The following KCNIP3 variants were observed in gnomAD, a reference collection of about 807,000 sequenced individuals.
KCNIP3 encodes calsenilin.
KCNIP3 carries 28 observed loss-of-function variants against 35.0 expected under a neutral mutation model. The ratio of observed to expected loss-of-function variants is 0.80; its 90% CI spans 0.59 to 1.10. KCNIP3 has a LOEUF of 1.10. Among genes scored for constraint, KCNIP3 ranks in the 50% least tolerant of loss-of-function variants. KCNIP3 has a pLI of 0.00. For synonymous variants in KCNIP3, 134 were observed against 133.8 expected (o/e 1.00, Z -0.01); for missense variants, 295 against 338.4 (o/e 0.87, Z 1.01).
chr2:95,344,631 G>A (rs1173072786), intron 2 of KCNIP3, among the ~76,000 whole-genome samples: 2 of 152,204 alleles, frequency 1.3e-5, no homozygotes, highest in Non-Finnish European at 2.9e-5. Context: ...AGGGTTGGAG[G>A]CCAGCCTCAG....
intron 2 of KCNIP3, among the ~76,000 whole-genome samples, chr2:95,347,757 C>T (rs953274376): frequency 4.6e-5 from 7 of 152,232 alleles, no homozygotes; most frequent in Non-Finnish European, 1.0e-4. Flanking sequence ...AGGGATGTAG[C>T]TTTTCCCCTG....
intron 2 of KCNIP3, among the ~76,000 whole-genome samples, chr2:95,349,092 C>CT (rs1429102639): frequency 1.3e-5 from 2 of 152,112 alleles, no homozygotes; most frequent in Admixed American, 6.5e-5. Context: ...CAGACACCCC[C>CT]CCCCGCCCCC....
chr2:95,383,977 G>A, intron 8 of KCNIP3, 25 bp from the exon 9 acceptor site: 1 of 1,612,916 alleles, frequency 6.2e-7, no homozygotes. Flanking sequence ...AGCACCTGAA[G>A]GCCTCCCTTC....
chr2:95,341,087 A>C (rs1227834020), intron 2 of KCNIP3, among the ~76,000 whole-genome samples: 1 of 152,138 alleles, frequency 6.6e-6, no homozygotes, highest in Non-Finnish European at 1.5e-5. Flanking sequence ...TCTCAAGTCG[A>C]ACTGTAATCC....
intron 4 of KCNIP3, 41 bp downstream of exon 4, chr2:95,374,958 G>A: frequency 6.2e-7 from 1 of 1,602,444 alleles, no homozygotes; most frequent in African/African-American, 1.3e-5. Context: ...TCCCAGTGTG[G>A]AGGGAGGGGA....
intron 2 of KCNIP3, among the ~76,000 whole-genome samples, chr2:95,320,437 G>A (rs1344124394): frequency 6.6e-6 from 1 of 152,072 alleles, no homozygotes. Flanking sequence ...GGTGGGGTGT[G>A]GGCGGGTCCC....
chr2:95,365,665 TAGC>T (rs1679899992), intron 2 of KCNIP3, among the ~76,000 whole-genome samples: 1 of 152,024 alleles, frequency 6.6e-6, no homozygotes, highest in Non-Finnish European at 1.5e-5. Context: ...ATGGAAGAAA[TAGC>T]AGCAGGTTTG....
At chr2:95,338,453 G>A (rs1370028201) in intron 2 of KCNIP3, among the ~76,000 whole-genome samples, 1 of 152,134 alleles carries the variant, frequency 6.6e-6, no homozygotes. Flanking sequence ...TCCCAGAAAT[G>A]AGGAGGGAGA....
chr2:95,378,161 T>G lies in KCNIP3; in HGVS notation c.447+2953T>G, dbSNP rs1421246896. On this transcript the variant is annotated intron_variant, in intron 5 of 8. Coordinates refer to ENST00000295225, the MANE Select transcript of KCNIP3 (RefSeq NM_013434.5). This position sits in a 1 kb window ranked among gnomAD's most constrained non-coding sequence, Gnocchi z 4.0. Reference sequence around the variant, plus strand: ...ATTTTTATTTTTTTTGTTTTATTTTTAGACAGGCTGGAGTGCAGTGGCACC... The same window carrying G: ...ATTTTTATTTTTTTTGTTTTATTTTGAGACAGGCTGGAGTGCAGTGGCACC... Among the ~76,000 whole-genome samples the G allele has an allele frequency of 2.0e-5, 3 of 152,198 alleles. No homozygotes were observed. Among genetic ancestry groups the G allele is most frequent in the Non-Finnish European group, 1.5e-5 (1 of 68,034 alleles).
In KCNIP3 at chr2:95,321,834, G is replaced by A. The variant is rs559953649; in HGVS notation, c.181+11314G>A. The stretch of plus-strand genomic sequence containing the variant: ...GCATCTGTAACTGTGTTACAGGCCT[G>A]GAAGACATCGGAGCCCTAATCAATC... On this transcript the variant is annotated intron_variant, in intron 2 of 8. Coordinates refer to ENST00000295225, the MANE Select transcript of KCNIP3 (RefSeq NM_013434.5). Among the ~76,000 whole-genome samples, 11 of 152,216 alleles carry A rather than the reference G, an allele frequency of 7.2e-5. No individual in the cohort carries two copies. In the South Asian group the frequency reaches 2.3e-3, roughly 32 times the overall value.
At chr2:95,351,871 C>T (rs958308181) in intron 2 of KCNIP3, among the ~76,000 whole-genome samples, 4 of 152,170 alleles carry the variant, frequency 2.6e-5, no homozygotes, top group Admixed American at 1.3e-4. Context: ...GTGTACGTGT[C>T]AGGAATTTAT....
At chr2:95,350,399 T>C (rs1407722391) in intron 2 of KCNIP3, among the ~76,000 whole-genome samples, 1 of 152,202 alleles carries the variant, frequency 6.6e-6, no homozygotes, top group East Asian at 1.9e-4. Context: ...TTGGTCACGT[T>C]AGCACCCTGT....
At chr2:95,336,503 C>G (rs1485456740) in intron 2 of KCNIP3, among the ~76,000 whole-genome samples, 2 of 152,132 alleles carry the variant, frequency 1.3e-5, no homozygotes, top group Non-Finnish European at 2.9e-5. Context: ...ATGTCCTTAT[C>G]TGCTTACTTA....
chr2:95,339,901 C>A (rs545531135), intron 2 of KCNIP3, among the ~76,000 whole-genome samples: 87 of 152,324 alleles, frequency 5.7e-4, no homozygotes, highest in South Asian at 2.7e-3. Flanking sequence ...CATTCAGGCA[C>A]CCAGGCCCTT....
At chr2:95,297,546 T>G (rs111766364) in intron 1 of KCNIP3, 93 bp downstream of exon 1, 7 of 1,002,258 alleles carry the variant, frequency 7.0e-6, no homozygotes, top group African/African-American at 4.9e-5. Context: ...GAAGCCTTTT[T>G]CTTTGACCCT....
chr2:95,329,152 G>A (rs1190448180), intron 2 of KCNIP3, among the ~76,000 whole-genome samples: 1 of 152,216 alleles, frequency 6.6e-6, no homozygotes, highest in Non-Finnish European at 1.5e-5. Context: ...GGATTAAATA[G>A]AACACGGCGA....
chr2:95,362,082 A>G (rs1166261612), intron 2 of KCNIP3, among the ~76,000 whole-genome samples: 1 of 150,080 alleles, frequency 6.7e-6, no homozygotes. Flanking sequence ...GTGGAGGCAG[A>G]CATAGCTGTC....
intron 2 of KCNIP3, among the ~76,000 whole-genome samples, chr2:95,324,402 T>C (rs1678672652): frequency 6.6e-6 from 1 of 151,764 alleles, no homozygotes; most frequent in Non-Finnish European, 1.5e-5. Context: ...TAGTCACAGC[T>C]ACTCCAGAGG....
Position 95,382,308 on chromosome 2 carries a change from G to A in KCNIP3, c.556-69G>A, listed in dbSNP as rs140134658. On this transcript the variant is annotated intron_variant, in intron 6 of 8. Transcript: ENST00000295225. This position sits in a 1 kb window ranked among gnomAD's most constrained non-coding sequence, Gnocchi z 4.5. Reference sequence around the variant, plus strand: ...GAGGTGCCCTGCACCCTTGGATGCCGCCCGCTCCCTTTGGGCCCTCACAGC... The same window carrying A: ...GAGGTGCCCTGCACCCTTGGATGCCACCCGCTCCCTTTGGGCCCTCACAGC... 7.8e-4 allele frequency: 799 copies of A among 1,030,508 alleles called. 11 individuals are homozygous for A. In the African/African-American group the frequency reaches 0.012, roughly 15 times the overall value. 63.8% of individuals were successfully genotyped at this position (1,030,508 alleles called of 1,614,324 possible).
Sources: allele counts gnomAD v4.1 joint callset (sites outside exome capture counted in the v4.1 genomes callset), GRCh38; gene constraint gnomAD v4.1.1; non-coding constraint Gnocchi (gnomAD v3.1); transcripts MANE v1.5; gene names NCBI Gene and HGNC (gene_info 2026-07-23, HGNC 2026-07-21).